Variants in PLAG1 observed in about 807,000 individuals in gnomAD.
The protein encoded by PLAG1 is zinc finger protein PLAG1.
In PLAG1, 7 loss-of-function variants were observed where a neutral mutation model predicts 35.5. That is an observed-to-expected ratio of 0.20 (90% CI 0.11 to 0.37). PLAG1 has a LOEUF of 0.37. Ranked by LOEUF, PLAG1 falls within the 10% of genes least tolerant of loss-of-function variation. The probability of loss-of-function intolerance (pLI) is 1.00; values close to 1 mark genes in which losing one functional copy is unlikely to be tolerated. For missense variants in PLAG1, 454 were observed against 602.8 expected, an observed-to-expected ratio of 0.75 and a Z score of 2.58; for synonymous variants, 229 against 225.4, an observed-to-expected ratio of 1.02 and a Z score of -0.14.
chr8:56,189,788 C>A (rs914012693), intron 1 of PLAG1, among the ~76,000 whole-genome samples: 3 of 152,056 alleles, frequency 2.0e-5, no homozygotes, highest in Non-Finnish European at 4.4e-5. Context: ...ACAGGTGAGG[C>A]TGGAGAGGTG....
At chr8:56,207,406 T>C (rs1165327471) in intron 1 of PLAG1, among the ~76,000 whole-genome samples, 1 of 152,002 alleles carries the variant, frequency 6.6e-6, no homozygotes, top group Admixed American at 6.6e-5. Flanking sequence ...AACCCCCACC[T>C]GTGCATGTTA....
chr8:56,193,993 C>T (rs776821060), intron 1 of PLAG1, among the ~76,000 whole-genome samples: 57 of 152,096 alleles, frequency 3.7e-4, no homozygotes, highest in Non-Finnish European at 5.7e-4. Flanking sequence ...GCTGGGATTA[C>T]AGGCGTGAGC....
chr8:56,210,730 TGCTGCC>T (rs1173080878), intron 1 of PLAG1, among the ~76,000 whole-genome samples: 3 of 152,044 alleles, frequency 2.0e-5, no homozygotes, highest in South Asian at 2.1e-4. Context: ...CCGCTCTCGC[TGCTGCC>T]GCTGCCGCTG....
chr8:56,202,324 G>C (rs971147445), intron 1 of PLAG1, among the ~76,000 whole-genome samples: 2 of 152,074 alleles, frequency 1.3e-5, no homozygotes, highest in African/African-American at 4.8e-5. Context: ...AAGTGATTTT[G>C]GATGTTATTG....
At chr8:56,195,848 A>G (rs900095081) in intron 1 of PLAG1, among the ~76,000 whole-genome samples, 5 of 152,158 alleles carry the variant, frequency 3.3e-5, no homozygotes, top group Admixed American at 2.0e-4. Context: ...AAGATGGGCA[A>G]CACAAGTCTC....
In PLAG1 at chr8:56,166,400, G is replaced by A. The variant is rs765825114; in HGVS notation, c.1346C>T (p.Ala449Val). The A allele has an allele frequency of 1.7e-5, 28 of 1,613,518 alleles. No homozygotes were observed. Among genetic ancestry groups the A allele is most frequent in the Non-Finnish European group, 2.2e-5 (26 of 1,179,762 alleles). ...GGGGAGCTGGGAAACAGAAGAATGT[G>A]CTTCTTCCTGGGAATAGCTCATTCC... ...SLGMSYSQEEAHSSVSQLPPQ... is the reference protein window; with the variant it reads ...SLGMSYSQEEVHSSVSQLPPQ... Residue 449 changes from alanine (A) to valine (V), a missense_variant, in exon 5 of 5, where the codon GCA becomes GTA. By Grantham distance (64) the Ala-to-Val change is moderately conservative. This residue lies in a region of PLAG1 where 271 missense variants were observed against 315.6 expected (regional missense o/e 0.86). Coordinates refer to ENST00000316981, the MANE Select transcript of PLAG1 (RefSeq NM_002655.3).
chr8:56,176,208 C>A (rs1256460772), intron 2 of PLAG1, among the ~76,000 whole-genome samples: 2 of 151,980 alleles, frequency 1.3e-5, no homozygotes, highest in Non-Finnish European at 2.9e-5. Flanking sequence ...TACCATCATA[C>A]CCGGCTAATT....
At chr8:56,205,734 C>A (rs1424204197) in intron 1 of PLAG1, among the ~76,000 whole-genome samples, 1 of 151,870 alleles carries the variant, frequency 6.6e-6, no homozygotes, top group Non-Finnish European at 1.5e-5. Context: ...TTTTTGCTTC[C>A]TAACACCTTC....
rs74568212 is a variant in PLAG1, at chr8:56,165,871, G to A, written c.*372C>T. 6.0e-3 allele frequency: 1,204 copies of A among 201,154 alleles called. 10 individuals are homozygous for A. The highest frequency in any genetic ancestry group is 0.026 in the African/African-American group (1,140 of 43,630). 12.5% of individuals were successfully genotyped at this position (201,154 alleles called of 1,614,324 possible). A position where few individuals can be genotyped will look rare whatever the true frequency, so the allele number is the denominator to read the frequency against. The stretch of plus-strand genomic sequence containing the variant: ...ACATTCTATTGCTAAATTTTTTAAT[G>A]AGCCAGATGTCAAAAGGTAGAGCCA... On this transcript the variant is annotated 3_prime_UTR_variant, in exon 5 of 5. Transcript: ENST00000316981.
chr8:56,178,550 T>G (rs113561306), intron 2 of PLAG1, among the ~76,000 whole-genome samples: 12 of 152,204 alleles, frequency 7.9e-5, no homozygotes, highest in African/African-American at 2.4e-4. Context: ...ATAGAAAATT[T>G]TAGCCCGATT....
chr8:56,192,788 G>A (rs1204051682), intron 1 of PLAG1, among the ~76,000 whole-genome samples: 1 of 152,074 alleles, frequency 6.6e-6, no homozygotes, highest in African/African-American at 2.4e-5. Flanking sequence ...AACGTGTTTG[G>A]AGGCAAAAAG....
At chr8:56,189,918 A>G (rs1458514358) in intron 1 of PLAG1, among the ~76,000 whole-genome samples, 1 of 152,176 alleles carries the variant, frequency 6.6e-6, no homozygotes, top group Non-Finnish European at 1.5e-5. Flanking sequence ...GAGGCTGCAG[A>G]AAGGCAAGGC....
chr8:56,170,471 G>A (rs1380973449), intron 3 of PLAG1, among the ~76,000 whole-genome samples: 2 of 152,160 alleles, frequency 1.3e-5, no homozygotes, highest in African/African-American at 2.4e-5. Flanking sequence ...ACCAAGGCAG[G>A]AAACAAACCT....
intron 2 of PLAG1, among the ~76,000 whole-genome samples, chr8:56,177,480 C>T (rs1811736940): frequency 6.6e-6 from 1 of 152,090 alleles, no homozygotes; most frequent in Non-Finnish European, 1.5e-5. Context: ...ATTCCTTGAC[C>T]AATTCTATTT....
At chr8:56,178,995 C>G (rs527543790) in intron 2 of PLAG1, among the ~76,000 whole-genome samples, 1 of 121,856 alleles carries the variant, frequency 8.2e-6, no homozygotes, top group Non-Finnish European at 1.6e-5. Context: ...TCCACCTGCC[C>G]ATAGGTAATA....
At chr8:56,181,083 A>T (rs1218823015) in intron 1 of PLAG1, among the ~76,000 whole-genome samples, 1 of 152,214 alleles carries the variant, frequency 6.6e-6, no homozygotes, top group African/African-American at 2.4e-5. Context: ...GCTGGAGAGG[A>T]TGTGGAGAAA....
At chr8:56,197,055 T>C (rs1812398546) in intron 1 of PLAG1, among the ~76,000 whole-genome samples, 1 of 151,850 alleles carries the variant, frequency 6.6e-6, no homozygotes, top group Non-Finnish European at 1.5e-5. Flanking sequence ...CTGGCGTGTA[T>C]TTCTGTCTCT....
At chr8:56,203,866 CTA>C (rs1211847150) in intron 1 of PLAG1, among the ~76,000 whole-genome samples, 3 of 151,900 alleles carry the variant, frequency 2.0e-5, no homozygotes, top group African/African-American at 7.2e-5. Context: ...TTACCTCAGT[CTA>C]TGACAAATTA....
intron 1 of PLAG1, among the ~76,000 whole-genome samples, chr8:56,210,887 C>G (rs1812880888): frequency 6.6e-6 from 1 of 151,808 alleles, no homozygotes; most frequent in Non-Finnish European, 1.5e-5. Flanking sequence ...GCCCCCTGCC[C>G]TGTCAGAAGC....
Sources: gnomAD v4.1 joint callset for allele counts (sites outside exome capture counted in the v4.1 genomes callset) on GRCh38, gnomAD v4.1.1 for gene constraint, gnomAD v4.1.1 regional missense constraint, MANE v1.5 for transcripts, NCBI Gene and HGNC (gene_info 2026-07-23, HGNC 2026-07-21) for gene names.